ARFIP1: variants seen among roughly 807,000 people sequenced by gnomAD.
ARFIP1 encodes the protein ARF interacting protein 1, also known as arfaptin-1.
In ARFIP1, 24 loss-of-function variants were observed where a neutral mutation model predicts 42.5. That is an observed-to-expected ratio of 0.57 (90% CI 0.41 to 0.80). The LOEUF (loss-of-function observed/expected upper bound fraction) is 0.80, where lower values mean the gene tolerates loss of function less well. ARFIP1 is among the 30% of genes least tolerant of loss of function. ARFIP1 has a pLI of 0.00. For synonymous variants in ARFIP1, 141 were observed against 153.7 expected, an observed-to-expected ratio of 0.92 and a Z score of 0.61; for missense variants, 354 against 434.0, an observed-to-expected ratio of 0.82 and a Z score of 1.64.
chr4:152,842,291 T>C (rs985482587), intron 2 of ARFIP1, among the ~76,000 whole-genome samples: 5 of 150,634 alleles, frequency 3.3e-5, no homozygotes, highest in Admixed American at 6.6e-5. Flanking sequence ...CCTCCCTTTG[T>C]ATGGGAGCTC....
intron 1 of ARFIP1, among the ~76,000 whole-genome samples, chr4:152,781,234 CT>C (rs535397594): frequency 0.16 from 18,625 of 118,470 alleles, 633 homozygotes; most frequent in African/African-American, 0.2. Flanking sequence ...TTTCTTTTTT[CT>C]TTTTTTTTTT....
Position 152,910,229 on chromosome 4 carries a change from G to A in ARFIP1, c.*10G>A, listed in dbSNP as rs539482347. ...GCTTGAAGAACAGTAAAATCACAGC[G>A]GAAAATAAAAAGAAAGTCGCGTTGT... On this transcript the variant is annotated 3_prime_UTR_variant, in exon 9 of 9. Transcript: ENST00000353617. 6.1e-5 allele frequency: 98 copies of A among 1,603,226 alleles called. No homozygotes were observed. Among genetic ancestry groups the A allele is most frequent in the African/African-American group, 3.0e-4 (22 of 74,192 alleles).
At chr4:152,857,352 A>C (rs1393584407) in intron 2 of ARFIP1, among the ~76,000 whole-genome samples, 1 of 152,196 alleles carries the variant, frequency 6.6e-6, no homozygotes, top group Non-Finnish European at 1.5e-5. Flanking sequence ...AAAACATACT[A>C]ACTAAAATAA....
At chr4:152,870,401 T>C (rs1734779617) in intron 3 of ARFIP1, among the ~76,000 whole-genome samples, 1 of 152,228 alleles carries the variant, frequency 6.6e-6, no homozygotes, top group Admixed American at 6.5e-5. Flanking sequence ...ATGAAATATT[T>C]ACTGAAGCTT....
chr4:152,793,988 C>A (rs533520818), intron 1 of ARFIP1, among the ~76,000 whole-genome samples: 3 of 152,204 alleles, frequency 2.0e-5, no homozygotes, highest in African/African-American at 7.2e-5. Flanking sequence ...ATTCCTCTAC[C>A]TTTGTTCAGA....
Position 152,910,362 on chromosome 4 carries a change from T to G in ARFIP1, c.*143T>G. On this transcript the variant is annotated 3_prime_UTR_variant, in exon 9 of 9. Coordinates refer to ENST00000353617, the MANE Select transcript of ARFIP1 (RefSeq NM_001025595.3). The stretch of plus-strand genomic sequence containing the variant: ...CAAACAGCTTTAATTTTTCCCTTTT[T>G]CATACTTTAACAATTGAACTGTTAA... The G allele has an allele frequency of 1.0e-6, 1 of 986,324 alleles. No homozygotes were observed. The highest frequency in any genetic ancestry group is 1.4e-6 in the Non-Finnish European group (1 of 692,216). The allele number at this position is 986,324 out of a possible 1,614,324, so 61.1% of individuals were successfully genotyped here. A position where few individuals can be genotyped will look rare whatever the true frequency, so the allele number is the denominator to read the frequency against.
intron 1 of ARFIP1, among the ~76,000 whole-genome samples, chr4:152,785,816 GTTAAAA>G (rs1730769995): frequency 1.3e-5 from 2 of 152,292 alleles, no homozygotes; most frequent in Admixed American, 6.5e-5. Flanking sequence ...ATTTAAGTTA[GTTAAAA>G]TTAAATACAA....
intron 1 of ARFIP1, among the ~76,000 whole-genome samples, chr4:152,797,362 TG>T (rs1731531535): frequency 6.6e-6 from 1 of 152,192 alleles, no homozygotes; most frequent in African/African-American, 2.4e-5. Context: ...TAATTATAGA[TG>T]TTTTTTGGTG....
chr4:152,854,032 C>G (rs911904257), intron 2 of ARFIP1, among the ~76,000 whole-genome samples: 1 of 149,686 alleles, frequency 6.7e-6, no homozygotes, highest in Non-Finnish European at 1.5e-5. Context: ...CCTGCCTCAA[C>G]CTCCTGTGCA....
intron 8 of ARFIP1, 138 bp from the exon 9 acceptor site, chr4:152,909,926 T>G: frequency 9.4e-7 from 1 of 1,068,618 alleles, no homozygotes; most frequent in Non-Finnish European, 1.4e-6. Flanking sequence ...ACTTGGTATG[T>G]GTGAAATACT....
intron 2 of ARFIP1, among the ~76,000 whole-genome samples, chr4:152,834,710 C>G (rs1389520225): frequency 1.3e-5 from 2 of 152,206 alleles, no homozygotes; most frequent in Non-Finnish European, 2.9e-5. Flanking sequence ...AGTGCCTGTG[C>G]CTTTTCCACA....
chr4:152,899,877 G>T (rs986651132), intron 8 of ARFIP1, among the ~76,000 whole-genome samples: 1 of 152,154 alleles, frequency 6.6e-6, no homozygotes, highest in Non-Finnish European at 1.5e-5. Context: ...ATATACCAGT[G>T]CACAGATGAT....
chr4:152,807,053 G>A (rs1195076261), intron 1 of ARFIP1, among the ~76,000 whole-genome samples: 1 of 152,052 alleles, frequency 6.6e-6, no homozygotes, highest in East Asian at 1.9e-4. Context: ...TGCCCAGTTT[G>A]GTGTTAAACC....
intron 4 of ARFIP1, 120 bp downstream of exon 4, chr4:152,870,968 T>C (rs1237723695): frequency 1.4e-6 from 1 of 693,812 alleles, no homozygotes; most frequent in Non-Finnish European, 2.3e-6. Flanking sequence ...ACTTTTTTGG[T>C]GGCTGCCTTA....
intron 2 of ARFIP1, among the ~76,000 whole-genome samples, chr4:152,835,144 C>G (rs1329162977): frequency 1.3e-5 from 2 of 152,236 alleles, no homozygotes; most frequent in Non-Finnish European, 2.9e-5. Flanking sequence ...ACGCTAATCT[C>G]TCTAGCAAGT....
At chr4:152,904,300 T>C (rs1384305910) in intron 8 of ARFIP1, among the ~76,000 whole-genome samples, 1 of 151,480 alleles carries the variant, frequency 6.6e-6, no homozygotes, top group South Asian at 2.1e-4. Flanking sequence ...CAAGCAACTC[T>C]CCTGCCTCAG....
At chr4:152,840,199 G>T (rs1187035335) in intron 2 of ARFIP1, among the ~76,000 whole-genome samples, 1 of 152,144 alleles carries the variant, frequency 6.6e-6, no homozygotes, top group Non-Finnish European at 1.5e-5. Context: ...ATTTCCACGC[G>T]CTGTTGAATA....
chr4:152,903,578 A>G (rs1180337793), intron 8 of ARFIP1, among the ~76,000 whole-genome samples: 2 of 152,074 alleles, frequency 1.3e-5, no homozygotes, highest in Admixed American at 6.6e-5. Flanking sequence ...ATGTGCATGT[A>G]TACTTTAAAA....
chr4:152,883,109 C>G (rs1017716037), intron 7 of ARFIP1: 1 of 456,046 alleles, frequency 2.2e-6, no homozygotes, highest in Non-Finnish European at 3.8e-6. Context: ...TAATTAGAAC[C>G]CCTATGCTGG....
Sources: gnomAD v4.1 joint callset for allele counts (sites outside exome capture counted in the v4.1 genomes callset) on GRCh38, gnomAD v4.1.1 for gene constraint, MANE v1.5 for transcripts, NCBI Gene and HGNC (gene_info 2026-07-23, HGNC 2026-07-21) for gene names.